The following NT5C2 variants were observed in gnomAD, a reference collection of about 807,000 sequenced individuals.
The protein encoded by NT5C2 is 5'-nucleotidase, cytosolic II.
In NT5C2, 58 loss-of-function variants were observed where a neutral mutation model predicts 76.1. That is an observed-to-expected ratio of 0.76 (90% CI 0.62 to 0.95). NT5C2 has a LOEUF of 0.95. Among genes scored for constraint, NT5C2 ranks in the 40% least tolerant of loss-of-function variants. The probability of loss-of-function intolerance (pLI) is 0.00; values close to 1 mark genes in which losing one functional copy is unlikely to be tolerated. For missense variants in NT5C2, 478 were observed against 690.3 expected (o/e 0.69, Z 3.45); for synonymous variants, 229 against 237.4 (o/e 0.96, Z 0.32).
intron 4 of NT5C2, among the ~76,000 whole-genome samples, chr10:103,127,313 A>T (rs1246219269): frequency 6.6e-6 from 1 of 152,210 alleles, no homozygotes; most frequent in East Asian, 1.9e-4. Flanking sequence ...GTCAATAAAC[A>T]AGATTTTTGC....
intron 3 of NT5C2, among the ~76,000 whole-genome samples, chr10:103,164,601 A>G (rs1301687654): frequency 6.6e-6 from 1 of 152,226 alleles, no homozygotes; most frequent in Non-Finnish European, 1.5e-5. Flanking sequence ...GTCCACCAAC[A>G]GAAAATAAAT....
In NT5C2 at chr10:103,106,639, G is replaced by A. The variant is rs1340184840; in HGVS notation, c.243C>T (p.Gly81=). Residue 81 remains glycine, a synonymous_variant, in exon 5 of 19, where the codon GGC becomes GGT. Coordinates refer to ENST00000404739, the MANE Select transcript of NT5C2 (RefSeq NM_001351169.2). ...CAAAGCTGAGCAACTCCTGGGGATA[G>A]CCAATAGAAACTAATCTCTCCACAG... ...ELTVERLVSI[G]YPQELLSFAY... 1 of 1,613,824 alleles carries A rather than the reference G, an allele frequency of 6.2e-7. No individual in the cohort carries two copies. Among genetic ancestry groups the A allele is most frequent in the Non-Finnish European group, 8.5e-7 (1 of 1,179,746 alleles).
At chr10:103,190,699 T>C (rs993402645) in intron 1 of NT5C2, among the ~76,000 whole-genome samples, 6 of 152,088 alleles carry the variant, frequency 3.9e-5, no homozygotes, top group Non-Finnish European at 7.3e-5. Flanking sequence ...CAATGTCTCC[T>C]GGCTGAAAGT....
At chr10:103,189,013 AAG>A (rs202022485) in intron 1 of NT5C2, among the ~76,000 whole-genome samples, 1,751 of 150,916 alleles carry the variant, frequency 0.012, 31 homozygotes, top group African/African-American at 0.04. Context: ...GAAAAAAAAA[AAG>A]AGTGTGGGAT....
intron 3 of NT5C2, among the ~76,000 whole-genome samples, chr10:103,144,875 T>G (rs1227778730): frequency 1.3e-5 from 2 of 152,238 alleles, no homozygotes; most frequent in African/African-American, 2.4e-5. Flanking sequence ...TCTTTCCATT[T>G]TCATTCAAAA....
intron 3 of NT5C2, among the ~76,000 whole-genome samples, chr10:103,157,112 GTAT>G (rs2083576329): frequency 6.7e-6 from 1 of 149,020 alleles, no homozygotes; most frequent in Admixed American, 6.7e-5. Context: ...ATGAAATGTT[GTAT>G]TATGTTAAAT....
chr10:103,092,411 G>A (rs758189780), intron 15 of NT5C2, among the ~76,000 whole-genome samples: 8 of 152,194 alleles, frequency 5.3e-5, no homozygotes, highest in Non-Finnish European at 8.8e-5. Context: ...TTAGGAGGTA[G>A]GTATTATCCC....
intron 4 of NT5C2, among the ~76,000 whole-genome samples, chr10:103,108,598 A>G (rs2072036530): frequency 1.3e-5 from 2 of 152,230 alleles, no homozygotes; most frequent in Non-Finnish European, 2.9e-5. Context: ...GGAAACTGTC[A>G]TGTACTTCTT....
At chr10:103,156,159 T>G (rs1485411387) in intron 3 of NT5C2, among the ~76,000 whole-genome samples, 2 of 151,750 alleles carry the variant, frequency 1.3e-5, no homozygotes, top group African/African-American at 4.8e-5. Flanking sequence ...AGACTCCATC[T>G]CTTGAAAAAA....
chr10:103,159,547 G>A (rs2084288642), intron 3 of NT5C2, among the ~76,000 whole-genome samples: 1 of 151,794 alleles, frequency 6.6e-6, no homozygotes, highest in African/African-American at 2.4e-5. Context: ...TACTTGAGAA[G>A]CTGAGGTGGG....
At chr10:103,178,519 G>C (rs1014133865) in intron 2 of NT5C2, among the ~76,000 whole-genome samples, 1 of 151,770 alleles carries the variant, frequency 6.6e-6, no homozygotes, top group Non-Finnish European at 1.5e-5. Flanking sequence ...GCAGTGAGCT[G>C]ATTATGCCAC....
intron 4 of NT5C2, among the ~76,000 whole-genome samples, chr10:103,128,402 A>G (rs900758481): frequency 7.7e-6 from 1 of 129,520 alleles, no homozygotes; most frequent in African/African-American, 2.9e-5. Context: ...CAGTGGCGTG[A>G]TCTCGGCTCA....
At chr10:103,157,684 T>C (rs1043422183) in intron 3 of NT5C2, among the ~76,000 whole-genome samples, 1 of 151,944 alleles carries the variant, frequency 6.6e-6, no homozygotes, top group Non-Finnish European at 1.5e-5. Flanking sequence ...GACCACAGAG[T>C]AGCCCATAAA....
chr10:103,168,245 T>C (rs1471836722), intron 3 of NT5C2, among the ~76,000 whole-genome samples: 1 of 152,180 alleles, frequency 6.6e-6, no homozygotes, highest in Non-Finnish European at 1.5e-5. Flanking sequence ...CCTAATAACG[T>C]GCCACATTTC....
At chr10:103,120,418 G>T (rs1033213955) in intron 4 of NT5C2, among the ~76,000 whole-genome samples, 1 of 152,152 alleles carries the variant, frequency 6.6e-6, no homozygotes, top group Non-Finnish European at 1.5e-5. Context: ...AATATATAAA[G>T]ATTAATATGC....
Position 103,105,691 on chromosome 10 carries a change from G to A in NT5C2, c.389+15C>T, listed in dbSNP as rs757142722. The A allele has an allele frequency of 1.8e-5, 28 of 1,532,684 alleles. No homozygotes were observed. The South Asian group carries it at 2.0e-4, about 11-fold the overall frequency. 94.9% of individuals were successfully genotyped at this position (1,532,684 alleles called of 1,614,324 possible). On this transcript the variant is annotated intron_variant, in intron 6 of 18. Transcript: ENST00000404739. ...CTTTAACATTAGAAAGAGGCTAAAG[G>A]TTCTCTGTACTCACCCCCTTATAAA...
chr10:103,131,939 T>A (rs996578185), intron 4 of NT5C2, among the ~76,000 whole-genome samples: 3 of 150,262 alleles, frequency 2.0e-5, no homozygotes, highest in Non-Finnish European at 3.0e-5. Flanking sequence ...AAAAAAAAAA[T>A]TATTTTTTAA....
At chr10:103,191,451 T>C (rs1394577253) in intron 1 of NT5C2, among the ~76,000 whole-genome samples, 2 of 152,046 alleles carry the variant, frequency 1.3e-5, no homozygotes, top group East Asian at 1.9e-4. Flanking sequence ...TGTACTCCTC[T>C]TTCCCCATAA....
chr10:103,158,489 C>T (rs546562870), intron 3 of NT5C2, among the ~76,000 whole-genome samples: 2 of 151,400 alleles, frequency 1.3e-5, no homozygotes, highest in African/African-American at 2.4e-5. Context: ...CTAGACTGAC[C>T]CAAAAAAAGA....
Sources: allele counts gnomAD v4.1 joint callset (sites outside exome capture counted in the v4.1 genomes callset), GRCh38; gene constraint gnomAD v4.1.1; transcripts MANE v1.5; gene names NCBI Gene and HGNC (gene_info 2026-07-23, HGNC 2026-07-21).